The following DOCK1 variants were observed in gnomAD, a reference collection of about 807,000 sequenced individuals.
DOCK1 encodes the protein dedicator of cytokinesis 1.
DOCK1 carries 138 observed loss-of-function variants against 262.7 expected under a neutral mutation model. The observed-to-expected ratio is 0.53, with a 90% confidence interval of 0.46 to 0.61. DOCK1 has a LOEUF of 0.61. Among genes scored for constraint, DOCK1 ranks in the 20% least tolerant of loss-of-function variants. The pLI is 0.00. For synonymous variants in DOCK1, 866 were observed against 867.4 expected (o/e 1.00, Z 0.03); for missense variants, 1,908 against 2,370.7 (o/e 0.80, Z 4.05).
intron 27 of DOCK1, among the ~76,000 whole-genome samples, chr10:127,139,008 C>T (rs2050967842): frequency 6.6e-6 from 1 of 152,166 alleles, no homozygotes; most frequent in Non-Finnish European, 1.5e-5. Flanking sequence ...TGCTTCCCTT[C>T]CCACTCACCC....
At chr10:127,237,377 A>AAG (rs2059111817) in intron 27 of DOCK1, among the ~76,000 whole-genome samples, 2 of 151,340 alleles carry the variant, frequency 1.3e-5, no homozygotes, top group African/African-American at 4.9e-5. Context: ...AAAAAAAAAA[A>AAG]AGACAAAGAG....
intron 27 of DOCK1, among the ~76,000 whole-genome samples, chr10:127,188,275 G>A (rs2056459868): frequency 1.3e-5 from 2 of 152,204 alleles, no homozygotes; most frequent in Admixed American, 1.3e-4. Flanking sequence ...TTATTGTCAT[G>A]GATGAAAATC....
At chr10:127,236,506 T>TTTTTTTG (rs2059065055) in intron 27 of DOCK1, among the ~76,000 whole-genome samples, 1 of 141,190 alleles carries the variant, frequency 7.1e-6, no homozygotes, top group Non-Finnish European at 1.5e-5. Flanking sequence ...ACGGGTTTTT[T>TTTTTTTG]TTTTTTTTTT....
intron 10 of DOCK1, among the ~76,000 whole-genome samples, chr10:127,005,536 T>G (rs2040950911): frequency 6.6e-6 from 1 of 152,200 alleles, no homozygotes; most frequent in African/African-American, 2.4e-5. Flanking sequence ...GACCTTTAAG[T>G]CTACAGTTCT....
chr10:127,141,315 CCT>C lies in DOCK1; in HGVS notation c.2847+13554_2847+13555del, dbSNP rs528161559. On this transcript the variant is annotated intron_variant, in intron 27 of 51. Transcript: ENST00000623213. ...ATAATCAGAGATGCCATGCGGTCATCCTCTTTCTGTTTCCAGCAACTATAGCA... is the reference window on the plus strand; with the variant it reads ...ATAATCAGAGATGCCATGCGGTCATCCTTTCTGTTTCCAGCAACTATAGCA... Among the ~76,000 whole-genome samples, 402 of 152,300 alleles carry C rather than the reference CCT, an allele frequency of 2.6e-3. 1 individual carries two copies. Among genetic ancestry groups the C allele is most frequent in the South Asian group, 5.2e-3 (25 of 4,824 alleles).
At chr10:127,408,518 G>A (rs968650658) in intron 40 of DOCK1, among the ~76,000 whole-genome samples, 1 of 152,218 alleles carries the variant, frequency 6.6e-6, no homozygotes, top group Non-Finnish European at 1.5e-5. Context: ...TGTCTCACAG[G>A]AGTCAGCGCC....
At chr10:126,931,358 G>T (rs1156866881) in intron 1 of DOCK1, among the ~76,000 whole-genome samples, 5 of 152,178 alleles carry the variant, frequency 3.3e-5, no homozygotes, top group African/African-American at 9.7e-5. Flanking sequence ...AGGTTTGGAG[G>T]GGTGAAGACA....
At chr10:126,964,142 G>A (rs1246288364) in intron 1 of DOCK1, among the ~76,000 whole-genome samples, 1 of 152,222 alleles carries the variant, frequency 6.6e-6, no homozygotes, top group East Asian at 1.9e-4. Context: ...TCTTCACCAA[G>A]TTGCTATAAA....
At chr10:126,954,352 C>G (rs1332413155) in intron 1 of DOCK1, among the ~76,000 whole-genome samples, 2 of 152,344 alleles carry the variant, frequency 1.3e-5, no homozygotes, top group African/African-American at 2.4e-5. Context: ...GTAGGACCCT[C>G]CACAACCTCA....
intron 1 of DOCK1, among the ~76,000 whole-genome samples, chr10:126,949,251 A>C (rs1024157816): frequency 6.6e-6 from 1 of 152,104 alleles, no homozygotes; most frequent in Non-Finnish European, 1.5e-5. Context: ...GCTCTCCTGC[A>C]GCCCTCTCCC....
chr10:127,416,343 G>T (rs2068149465), intron 44 of DOCK1, among the ~76,000 whole-genome samples: 2 of 152,204 alleles, frequency 1.3e-5, no homozygotes, highest in South Asian at 4.1e-4. Flanking sequence ...AGCTAGTGAG[G>T]CATTGTACAT....
intron 1 of DOCK1, among the ~76,000 whole-genome samples, chr10:126,912,552 C>T (rs1383217105): frequency 6.6e-6 from 1 of 151,528 alleles, no homozygotes; most frequent in Non-Finnish European, 1.5e-5. Context: ...CGGTGAAACC[C>T]TGTCTCTACT....
At chr10:126,985,075 C>A (rs374948537) in intron 4 of DOCK1, among the ~76,000 whole-genome samples, 11 of 148,594 alleles carry the variant, frequency 7.4e-5, no homozygotes, top group African/African-American at 2.5e-4. Context: ...CTGCCTCCTG[C>A]GTTCAAGCGA....
At chr10:127,051,521 C>T (rs985041660) in intron 21 of DOCK1, among the ~76,000 whole-genome samples, 4 of 152,128 alleles carry the variant, frequency 2.6e-5, no homozygotes, top group African/African-American at 7.2e-5. Context: ...AATACTGTTT[C>T]ATGCCTTTAA....
At chr10:127,370,748 C>T (rs992087389) in intron 33 of DOCK1, among the ~76,000 whole-genome samples, 3 of 152,118 alleles carry the variant, frequency 2.0e-5, no homozygotes, top group Non-Finnish European at 4.4e-5. Context: ...CCCCTGACTC[C>T]GTCACGTCAA....
chr10:127,369,137 G>A (rs550199735), intron 33 of DOCK1, among the ~76,000 whole-genome samples: 20 of 152,258 alleles, frequency 1.3e-4, no homozygotes, highest in Non-Finnish European at 2.6e-4. Context: ...GCCAGTAACC[G>A]GAAGCCAGTA....
chr10:127,175,723 G>T lies in DOCK1; in HGVS notation c.2847+47959G>T, dbSNP rs765894265. ...CCCCGGTCCTGCTTGGCCCTCCCGA[G>T]CAGCTGGTAATCGGGCTCTTCGGAT... On this transcript the variant is annotated intron_variant, in intron 27 of 51. Coordinates refer to ENST00000623213, the MANE Select transcript of DOCK1 (RefSeq NM_001290223.2). The surrounding 1 kb of genome is among the most constrained non-coding windows in gnomAD (Gnocchi z 6.3). 5 of 1,613,954 alleles carry T rather than the reference G, an allele frequency of 3.1e-6. No homozygotes were observed. In the African/African-American group the frequency reaches 6.7e-5, roughly 22 times the overall value.
intron 23 of DOCK1, among the ~76,000 whole-genome samples, chr10:127,097,846 GTA>G (rs2048002443): frequency 6.6e-6 from 1 of 152,206 alleles, no homozygotes; most frequent in African/African-American, 2.4e-5. Flanking sequence ...TCTAAATTGT[GTA>G]TAGAGTACTC....
chr10:127,262,213 CGT>C (rs1554934725), intron 29 of DOCK1, among the ~76,000 whole-genome samples: 27 of 126,540 alleles, frequency 2.1e-4, no homozygotes, highest in East Asian at 9.9e-4. Flanking sequence ...TGTGTGTGTG[CGT>C]GTGTGTGTGT....
Sources: allele counts gnomAD v4.1 joint callset (sites outside exome capture counted in the v4.1 genomes callset), GRCh38; gene constraint gnomAD v4.1.1; non-coding constraint Gnocchi (gnomAD v3.1); transcripts MANE v1.5; gene names NCBI Gene and HGNC (gene_info 2026-07-23, HGNC 2026-07-21).